Variants in DNAJC1 observed in about 807,000 individuals in gnomAD.
DNAJC1 encodes DnaJ heat shock protein family (Hsp40) member C1, also known as dnaJ homolog subfamily C member 1.
Under a neutral mutation model 76.6 loss-of-function variants are expected in DNAJC1, and 58 were observed. That is an observed-to-expected ratio of 0.76 (90% CI 0.61 to 0.94). The LOEUF (loss-of-function observed/expected upper bound fraction) is 0.94, where lower values mean the gene tolerates loss of function less well. Among genes scored for constraint, DNAJC1 ranks in the 40% least tolerant of loss-of-function variants. The pLI is 0.00. For synonymous variants in DNAJC1, 258 were observed against 267.9 expected (o/e 0.96, Z 0.36); for missense variants, 689 against 677.3 (o/e 1.02, Z -0.19).
At chr10:21,787,843 C>A (rs1454289970) in intron 9 of DNAJC1, among the ~76,000 whole-genome samples, 1 of 152,234 alleles carries the variant, frequency 6.6e-6, no homozygotes, top group South Asian at 2.1e-4. Context: ...CAAGAAGCTG[C>A]ACAGCTTTGC....
intron 8 of DNAJC1, among the ~76,000 whole-genome samples, chr10:21,816,767 G>A (rs571643994): frequency 3.4e-5 from 5 of 145,406 alleles, no homozygotes; most frequent in East Asian, 2.2e-4. Flanking sequence ...GGATGGTCTC[G>A]ATCTCCTGAC....
At chr10:21,832,921 T>C (rs1228311731) in intron 8 of DNAJC1, among the ~76,000 whole-genome samples, 1 of 152,204 alleles carries the variant, frequency 6.6e-6, no homozygotes. Flanking sequence ...CTAAACTAAA[T>C]TACTCACTGT....
intron 1 of DNAJC1, among the ~76,000 whole-genome samples, chr10:21,947,368 T>A (rs1483618123): frequency 6.6e-6 from 1 of 152,150 alleles, no homozygotes; most frequent in Non-Finnish European, 1.5e-5. Context: ...TGACTCCCGT[T>A]CCACTTCCTC....
chr10:21,946,926 G>A (rs1372430362), intron 1 of DNAJC1, among the ~76,000 whole-genome samples: 1 of 152,152 alleles, frequency 6.6e-6, no homozygotes, highest in African/African-American at 2.4e-5. Flanking sequence ...CCACCCTCAT[G>A]AACGGATTAA....
At chr10:21,861,691 G>A (rs146559581) in intron 8 of DNAJC1, among the ~76,000 whole-genome samples, 1 of 152,126 alleles carries the variant, frequency 6.6e-6, no homozygotes, top group Non-Finnish European at 1.5e-5. Flanking sequence ...AGTGACCTCT[G>A]GTGGTCCTCA....
At chr10:21,913,091 G>T (rs1461120761) in intron 6 of DNAJC1, among the ~76,000 whole-genome samples, 2 of 151,680 alleles carry the variant, frequency 1.3e-5, no homozygotes, top group Non-Finnish European at 2.9e-5. Flanking sequence ...ATGGGGGTGG[G>T]GATATGCATG....
intron 8 of DNAJC1, among the ~76,000 whole-genome samples, chr10:21,875,689 G>A (rs1183649367): frequency 6.6e-6 from 1 of 152,166 alleles, no homozygotes; most frequent in East Asian, 1.9e-4. Flanking sequence ...AGTTTGGGAG[G>A]CCGAGGCAGG....
chr10:21,957,586 G>A (rs567771423), intron 1 of DNAJC1, among the ~76,000 whole-genome samples: 167 of 152,064 alleles, frequency 1.1e-3, no homozygotes, highest in African/African-American at 3.8e-3. Context: ...ATATCAAATT[G>A]GCAACTAAAC....
intron 7 of DNAJC1, 25 bp from the exon 8 acceptor site, chr10:21,882,464 T>G (rs1836298744): frequency 7.2e-7 from 1 of 1,386,634 alleles, no homozygotes; most frequent in African/African-American, 1.5e-5. Context: ...AAAGAACCAA[T>G]TATTGAGATT....
At chr10:21,795,968 C>T (rs909962876) in intron 9 of DNAJC1, among the ~76,000 whole-genome samples, 2 of 146,740 alleles carry the variant, frequency 1.4e-5, no homozygotes, top group Non-Finnish European at 3.0e-5. Context: ...GTGGGATTTC[C>T]GCTTTTTTTT....
chr10:21,802,828 T>C (rs1834828140), intron 9 of DNAJC1, among the ~76,000 whole-genome samples: 1 of 152,182 alleles, frequency 6.6e-6, no homozygotes, highest in Non-Finnish European at 1.5e-5. Flanking sequence ...TTAATCATCA[T>C]GTTAAAGTTG....
chr10:21,800,373 G>A (rs1834800325), intron 9 of DNAJC1, among the ~76,000 whole-genome samples: 1 of 152,146 alleles, frequency 6.6e-6, no homozygotes, highest in African/African-American at 2.4e-5. Flanking sequence ...AGAGCCCTCA[G>A]AGGCTCTAAA....
intron 1 of DNAJC1, among the ~76,000 whole-genome samples, chr10:21,971,683 GAGA>G (rs1837981945): frequency 1.3e-5 from 2 of 151,830 alleles, no homozygotes; most frequent in Non-Finnish European, 3.0e-5. Flanking sequence ...ATTCTGAAAT[GAGA>G]AGTTTGACAT....
intron 9 of DNAJC1, among the ~76,000 whole-genome samples, chr10:21,804,157 TA>T (rs1044127256): frequency 6.0e-4 from 91 of 152,184 alleles, no homozygotes; most frequent in Admixed American, 1.5e-3. Flanking sequence ...TTTCTCCTCT[TA>T]AAAATACAGA....
intron 9 of DNAJC1, among the ~76,000 whole-genome samples, chr10:21,793,077 G>A (rs1010525805): frequency 9.2e-5 from 14 of 152,110 alleles, no homozygotes; most frequent in African/African-American, 3.4e-4. Context: ...AGGCCAAGGA[G>A]GGCAGATCAT....
intron 3 of DNAJC1, among the ~76,000 whole-genome samples, chr10:21,921,360 A>G (rs952479920): frequency 1.3e-5 from 2 of 152,020 alleles, no homozygotes; most frequent in Non-Finnish European, 1.5e-5. Context: ...GCTGTTTGTT[A>G]CCGTGAATTA....
intron 8 of DNAJC1, among the ~76,000 whole-genome samples, chr10:21,866,128 T>C (rs1835996377): frequency 8.9e-6 from 1 of 111,942 alleles, no homozygotes; most frequent in Non-Finnish European, 1.7e-5. Flanking sequence ...GAGTGAGACT[T>C]CAACTCAAAA....
chr10:21,835,161 G>A (rs977483075), intron 8 of DNAJC1, among the ~76,000 whole-genome samples: 1 of 152,112 alleles, frequency 6.6e-6, no homozygotes, highest in Non-Finnish European at 1.5e-5. Context: ...GCAGCGTCTG[G>A]GGTTCACCAA....
intron 9 of DNAJC1, among the ~76,000 whole-genome samples, chr10:21,768,783 C>T (rs1422487589): frequency 6.6e-6 from 1 of 152,162 alleles, no homozygotes; most frequent in African/African-American, 2.4e-5. Context: ...GATTGCCCCA[C>T]CATATATCCA....
Sources: gnomAD v4.1 joint callset for allele counts (sites outside exome capture counted in the v4.1 genomes callset) on GRCh38, gnomAD v4.1.1 for gene constraint, MANE v1.5 for transcripts, NCBI Gene and HGNC (gene_info 2026-07-23, HGNC 2026-07-21) for gene names.